CALCR: variants seen among roughly 807,000 people sequenced by gnomAD.
CALCR encodes the protein calcitonin receptor.
A neutral mutation model predicts 59.5 loss-of-function variants in CALCR; 47 were observed. That is an observed-to-expected ratio of 0.79 (90% CI 0.63 to 1.01). CALCR has a LOEUF of 1.01. Among genes scored for constraint, CALCR ranks in the 50% least tolerant of loss-of-function variants. The probability of loss-of-function intolerance (pLI) is 0.00; values close to 1 mark genes in which losing one functional copy is unlikely to be tolerated. For missense variants in CALCR, 566 were observed against 597.1 expected (o/e 0.95, Z 0.54); for synonymous variants, 213 against 211.3 (o/e 1.01, Z -0.07).
chr7:93,471,578 T>C (rs1335270997), intron 6 of CALCR, among the ~76,000 whole-genome samples: 2 of 151,884 alleles, frequency 1.3e-5, no homozygotes, highest in Non-Finnish European at 2.9e-5. Flanking sequence ...TTATTTAGTA[T>C]ACAGGCCTAT....
intron 2 of CALCR, among the ~76,000 whole-genome samples, chr7:93,495,185 G>C (rs539194714): frequency 4.2e-4 from 64 of 151,502 alleles, no homozygotes; most frequent in Non-Finnish European, 8.0e-4. Flanking sequence ...TTTCAAATTG[G>C]AATGGAAATA....
At chr7:93,531,530 T>C (rs1377956969) in intron 2 of CALCR, among the ~76,000 whole-genome samples, 1 of 152,116 alleles carries the variant, frequency 6.6e-6, no homozygotes, top group East Asian at 1.9e-4. Flanking sequence ...AAATTGTCAA[T>C]CTAGAGAGCT....
chr7:93,561,620 G>GTT (rs1305428858), intron 2 of CALCR, among the ~76,000 whole-genome samples: 2 of 152,106 alleles, frequency 1.3e-5, no homozygotes, highest in African/African-American at 4.8e-5. Flanking sequence ...AGAAGGGAAA[G>GTT]GATATAATCC....
chr7:93,510,425 C>G (rs566805503), intron 2 of CALCR, among the ~76,000 whole-genome samples: 2 of 152,194 alleles, frequency 1.3e-5, no homozygotes, highest in East Asian at 3.9e-4. Context: ...ATCTGGTGGG[C>G]CAGGGAGGCA....
intron 2 of CALCR, among the ~76,000 whole-genome samples, chr7:93,560,195 G>T (rs546548015): frequency 6.6e-6 from 1 of 152,088 alleles, no homozygotes; most frequent in South Asian, 2.1e-4. Flanking sequence ...TCTTTAAAAA[G>T]ACAGAAACTC....
intron 5 of CALCR, among the ~76,000 whole-genome samples, chr7:93,474,933 C>T (rs1206297442): frequency 1.3e-5 from 2 of 151,678 alleles, no homozygotes; most frequent in East Asian, 3.9e-4. Flanking sequence ...TTGAAGAACA[C>T]TGCTATTGTT....
intron 2 of CALCR, among the ~76,000 whole-genome samples, chr7:93,543,254 C>T (rs759770749): frequency 3.9e-5 from 6 of 152,152 alleles, no homozygotes; most frequent in Non-Finnish European, 5.9e-5. Context: ...AAGTGATTCT[C>T]ATGCCTCAGC....
chr7:93,512,304 G>A (rs1428652050), intron 2 of CALCR, among the ~76,000 whole-genome samples: 1 of 152,066 alleles, frequency 6.6e-6, no homozygotes, highest in South Asian at 2.1e-4. Context: ...TTTTATTGAG[G>A]AAGCAACTCA....
intron 2 of CALCR, among the ~76,000 whole-genome samples, chr7:93,487,626 A>T (rs1051666144): frequency 6.6e-6 from 1 of 151,494 alleles, no homozygotes; most frequent in African/African-American, 2.4e-5. Context: ...GCTTAGTCAC[A>T]AATATCAAAT....
chr7:93,562,769 A>C (rs533046153), intron 2 of CALCR, among the ~76,000 whole-genome samples: 1 of 152,204 alleles, frequency 6.6e-6, no homozygotes, highest in African/African-American at 2.4e-5. Context: ...TCTTCAATAA[A>C]GAATATCCTA....
At chr7:93,517,096 G>C (rs1801665583) in intron 2 of CALCR, among the ~76,000 whole-genome samples, 2 of 151,704 alleles carry the variant, frequency 1.3e-5, no homozygotes, top group African/African-American at 4.8e-5. Flanking sequence ...ACTAATTTCA[G>C]TTTTGCTTCT....
At chr7:93,480,289 T>C (rs1271474759) in intron 3 of CALCR, among the ~76,000 whole-genome samples, 1 of 151,962 alleles carries the variant, frequency 6.6e-6, no homozygotes, top group Admixed American at 6.6e-5. Context: ...CTTGTGTTTA[T>C]AAAGATTTCA....
intron 7 of CALCR, among the ~76,000 whole-genome samples, chr7:93,463,071 C>T (rs945501111): frequency 6.6e-6 from 1 of 151,690 alleles, no homozygotes; most frequent in Admixed American, 6.6e-5. Context: ...AGCAATTTTC[C>T]AGTACACCAA....
chr7:93,539,157 A>G (rs1443038198), intron 2 of CALCR, among the ~76,000 whole-genome samples: 6 of 152,132 alleles, frequency 3.9e-5, no homozygotes. Context: ...TATAAAGTCC[A>G]TTAAAATCCC....
At chr7:93,473,799 T>G (rs1800608518) in intron 5 of CALCR, among the ~76,000 whole-genome samples, 1 of 151,718 alleles carries the variant, frequency 6.6e-6, no homozygotes, top group South Asian at 2.1e-4. Flanking sequence ...CTTTGTGGTG[T>G]CTGCTGGTTC....
At chr7:93,500,293 C>A (rs1801294991) in intron 2 of CALCR, among the ~76,000 whole-genome samples, 1 of 151,916 alleles carries the variant, frequency 6.6e-6, no homozygotes, top group South Asian at 2.1e-4. Flanking sequence ...TCCTCTTGCC[C>A]AGTTTAATTT....
intron 2 of CALCR, among the ~76,000 whole-genome samples, chr7:93,532,948 A>T (rs544282870): frequency 6.6e-6 from 1 of 151,744 alleles, no homozygotes; most frequent in South Asian, 2.1e-4. Flanking sequence ...GGATTGTGAC[A>T]AGTATAAAGT....
chr7:93,515,061 G>C (rs1801621635), intron 2 of CALCR, among the ~76,000 whole-genome samples: 1 of 151,952 alleles, frequency 6.6e-6, no homozygotes, highest in South Asian at 2.1e-4. Context: ...ACATCTTCAA[G>C]TGTTTCTGAC....
At position 93,483,851 on chromosome 7, in the gene CALCR, C is replaced by T. The variant is rs140006961; in HGVS notation, c.51+3080G>A. 1.6e-3 allele frequency: 600 copies of T among 377,196 alleles called. 3 individuals carry two copies. Among genetic ancestry groups the T allele is most frequent in the African/African-American group, 0.012 (555 of 48,000 alleles). 23.4% of individuals were successfully genotyped at this position (377,196 alleles called of 1,614,324 possible). On this transcript the variant is annotated intron_variant, in intron 3 of 13. Coordinates refer to ENST00000426151, the MANE Select transcript of CALCR (RefSeq NM_001742.4). ...AGGGCATATTGTTTTTCTGAATAAACATCAGTTTTCAAAGCTTTGCATATA... is the reference window on the plus strand; with the variant it reads ...AGGGCATATTGTTTTTCTGAATAAATATCAGTTTTCAAAGCTTTGCATATA...
Sources: gnomAD v4.1 joint callset for allele counts (sites outside exome capture counted in the v4.1 genomes callset) on GRCh38, gnomAD v4.1.1 for gene constraint, MANE v1.5 for transcripts, NCBI Gene and HGNC (gene_info 2026-07-23, HGNC 2026-07-21) for gene names.